The following TSPAN8 variants were observed in gnomAD, a reference collection of about 807,000 sequenced individuals.
The protein encoded by TSPAN8 is tetraspanin-8.
A neutral mutation model predicts 32.8 loss-of-function variants in TSPAN8; 21 were observed. The observed-to-expected ratio is 0.64, with a 90% CI of 0.45 to 0.92. The LOEUF is 0.92. TSPAN8 is among the 40% of genes least tolerant of loss of function. TSPAN8 has a pLI of 0.00. For missense variants in TSPAN8, 269 were observed against 281.9 expected, an observed-to-expected ratio of 0.95 and a Z score of 0.33; for synonymous variants, 95 against 94.6, an observed-to-expected ratio of 1.00 and a Z score of -0.03.
chr12:71,132,880 C>T (rs968163884), intron 6 of TSPAN8, 56 bp from the exon 7 acceptor site: 45 of 1,582,332 alleles, frequency 2.8e-5, no homozygotes, highest in Non-Finnish European at 3.7e-5. Context: ...AAAACATTGG[C>T]AATACATTAA....
At chr12:71,131,887 A>G (rs548279302) in intron 7 of TSPAN8, among the ~76,000 whole-genome samples, 1 of 151,976 alleles carries the variant, frequency 6.6e-6, no homozygotes, top group African/African-American at 2.4e-5. Context: ...AGACCATTGG[A>G]TTGAAGTTGC....
rs1279917463 is a variant in TSPAN8, at chr12:71,132,676, T to A, written c.576+17A>T. On this transcript the variant is annotated intron_variant, in intron 7 of 8. Transcript: ENST00000247829. ...TAACAGAATTGCTTATTGTACCAAA[T>A]GTGATTTAGTTCTCACCTCTTTGTA... is the stretch of plus-strand genomic sequence containing the variant. 3 of 1,611,722 alleles carry A rather than the reference T, an allele frequency of 1.9e-6. No individual in the cohort carries two copies. The highest frequency in any genetic ancestry group is 1.7e-5 in the Admixed American group (1 of 59,486).
chr12:71,147,667 A>C (rs1446863794), intron 2 of TSPAN8, among the ~76,000 whole-genome samples: 2 of 152,200 alleles, frequency 1.3e-5, no homozygotes, highest in African/African-American at 4.8e-5. Flanking sequence ...CATTTATTTA[A>C]AAGTCTTAGT....
Position 71,125,307 on chromosome 12 carries a change from T to C in TSPAN8, c.*27A>G, listed in dbSNP as rs1592396140. 1.2e-6 allele frequency: 2 copies of C among 1,601,914 alleles called. No individual in the cohort carries two copies. Among genetic ancestry groups the C allele is most frequent in the African/African-American group, 2.7e-5 (2 of 74,344 alleles). ...AAGCAACATTTTAAAGGGGTTTGACTGACGATAGGTTGATGCATCCACAGA... is the reference window on the plus strand; with the variant it reads ...AAGCAACATTTTAAAGGGGTTTGACCGACGATAGGTTGATGCATCCACAGA... On this transcript the variant is annotated 3_prime_UTR_variant, in exon 9 of 9. Coordinates refer to ENST00000247829, the MANE Select transcript of TSPAN8 (RefSeq NM_004616.3).
chr12:71,157,086 GT>G (rs1872467901), intron 2 of TSPAN8: 2 of 152,854 alleles, frequency 1.3e-5, no homozygotes, highest in African/African-American at 4.8e-5. Context: ...CACGGTCTTA[GT>G]TTGATTTTCT....
chr12:71,148,440 T>C (rs928097697), intron 2 of TSPAN8, among the ~76,000 whole-genome samples: 5 of 152,238 alleles, frequency 3.3e-5, no homozygotes, highest in African/African-American at 9.6e-5. Flanking sequence ...ATTTGTAAGA[T>C]GTTTATTTAT....
At chr12:71,131,880 C>A (rs989082748) in intron 7 of TSPAN8, among the ~76,000 whole-genome samples, 9 of 151,808 alleles carry the variant, frequency 5.9e-5, no homozygotes, top group African/African-American at 2.2e-4. Flanking sequence ...TACTAGTAGA[C>A]CATTGGATTG....
At chr12:71,156,749 G>A (rs1872456602) in intron 2 of TSPAN8, among the ~76,000 whole-genome samples, 1 of 152,190 alleles carries the variant, frequency 6.6e-6, no homozygotes, top group Non-Finnish European at 1.5e-5. Context: ...AGTGGATAAG[G>A]TAGCTTTTAA....
chr12:71,150,002 T>A (rs115928291), intron 2 of TSPAN8, among the ~76,000 whole-genome samples: 1 of 152,180 alleles, frequency 6.6e-6, no homozygotes, highest in East Asian at 1.9e-4. Flanking sequence ...ATATTAATAC[T>A]ATGGGGAAAG....
Position 71,157,670 on chromosome 12 carries a change from A to G in TSPAN8, c.9T>C (p.Gly3=), listed in dbSNP as rs779265578. 58 of 1,612,662 alleles carry G rather than the reference A, an allele frequency of 3.6e-5. No homozygotes were observed. In the Middle Eastern group the frequency reaches 6.6e-4, roughly 18 times the overall value. Residue 3 remains glycine (G), a synonymous_variant, in exon 2 of 9, where the codon GGT becomes GGC. Coordinates refer to ENST00000247829, the MANE Select transcript of TSPAN8 (RefSeq NM_004616.3). MA[G]VSACIKYSMF... is the part of the protein sequence containing the mutation. ...TAGAATATTTTATACAGGCACTCAC[A>G]CCTGCCATTTCGGAAAAGGATTAGG...
Position 71,157,651 on chromosome 12 carries a change from AT to A in TSPAN8, c.27del (p.Lys9AsnfsTer17). MAGVSACI[K>X]YSMFTFNFLF... ...AAGAAGTTGAAGGTAAACATAGAAT[AT>A]TTTATACAGGCACTCACACCTGCCA... On this transcript the variant is annotated frameshift_variant, in exon 2 of 9. Coordinates refer to ENST00000247829, the MANE Select transcript of TSPAN8 (RefSeq NM_004616.3). LOFTEE classifies it high-confidence loss of function. The A allele has an allele frequency of 6.2e-7, 1 of 1,613,738 alleles. No individual in the cohort carries two copies. The highest frequency in any genetic ancestry group is 8.5e-7 in the Non-Finnish European group (1 of 1,179,700).
intron 3 of TSPAN8, among the ~76,000 whole-genome samples, chr12:71,142,548 A>T (rs1202925814): frequency 6.6e-6 from 1 of 152,202 alleles, no homozygotes; most frequent in Non-Finnish European, 1.5e-5. Context: ...GTCAGACTTC[A>T]GATTCTACAG....
At chr12:71,150,904 G>A (rs1192529736) in intron 2 of TSPAN8, among the ~76,000 whole-genome samples, 2 of 152,022 alleles carry the variant, frequency 1.3e-5, no homozygotes, top group African/African-American at 2.4e-5. Context: ...CACCATGATT[G>A]TGAGGCCTCC....
At chr12:71,156,284 C>T (rs1211897323) in intron 2 of TSPAN8, among the ~76,000 whole-genome samples, 1 of 94,088 alleles carries the variant, frequency 1.1e-5, no homozygotes, top group African/African-American at 6.0e-5. Context: ...AAAAAAAAAA[C>T]TAGAAACAAA....
intron 7 of TSPAN8, among the ~76,000 whole-genome samples, chr12:71,130,013 C>T (rs1435729086): frequency 4.3e-4 from 64 of 148,854 alleles, no homozygotes; most frequent in African/African-American, 1.5e-3. Flanking sequence ...AGTGCAGAGG[C>T]GCAATCTTGG....
intron 8 of TSPAN8, among the ~76,000 whole-genome samples, chr12:71,126,970 T>G (rs11178641): frequency 0.01 from 1,532 of 152,224 alleles, 34 homozygotes; most frequent in African/African-American, 0.036. Flanking sequence ...CTTAGGTATA[T>G]AGTCTTAACA....
chr12:71,133,348 GTGCTGGGA>G (rs1244896324), intron 6 of TSPAN8, among the ~76,000 whole-genome samples: 4 of 152,168 alleles, frequency 2.6e-5, no homozygotes, highest in Non-Finnish European at 5.9e-5. Flanking sequence ...GCCTCCCAAA[GTGCTGGGA>G]TTCCAGGCAT....
chr12:71,135,079 T>C (rs1454868805), intron 6 of TSPAN8, among the ~76,000 whole-genome samples: 1 of 152,196 alleles, frequency 6.6e-6, no homozygotes, highest in Non-Finnish European at 1.5e-5. Flanking sequence ...TCAGCATCTG[T>C]AGCTTTTGTC....
chr12:71,129,417 G>A lies in TSPAN8; in HGVS notation c.577-3C>T, dbSNP rs1871448264. The A allele has an allele frequency of 1.3e-6, 2 of 1,531,006 alleles. No homozygotes were observed. The highest frequency in any genetic ancestry group is 4.7e-5 in the East Asian group (2 of 42,656). The allele number at this position is 1,531,006 out of a possible 1,614,324, so 94.8% of individuals were successfully genotyped here. A position where few individuals can be genotyped will look rare whatever the true frequency, so the allele number is the denominator to read the frequency against. Reference sequence around the variant, plus strand: ...TCTTTTATGAAAGAAATACAGGTCTGTTAAAAAAAAAAAACATTAAAAGTT... The same window carrying A: ...TCTTTTATGAAAGAAATACAGGTCTATTAAAAAAAAAAAACATTAAAAGTT... On this transcript the variant is annotated splice_region_variant and splice_polypyrimidine_tract_variant and intron_variant, in intron 7 of 8. Transcript: ENST00000247829.
Sources: allele counts gnomAD v4.1 joint callset (sites outside exome capture counted in the v4.1 genomes callset), GRCh38; gene constraint gnomAD v4.1.1; transcripts MANE v1.5; gene names NCBI Gene and HGNC (gene_info 2026-07-23, HGNC 2026-07-21).